DOCK8: variants seen among roughly 807,000 people sequenced by gnomAD.
DOCK8 encodes the protein dedicator of cytokinesis protein 8.
Under a neutral mutation model 245.6 loss-of-function variants are expected in DOCK8, and 141 were observed. The ratio of observed to expected loss-of-function variants is 0.57; its 90% CI spans 0.50 to 0.66. The LOEUF is 0.66. Ranked by LOEUF, DOCK8 falls within the 30% of genes least tolerant of loss-of-function variation. The pLI is 0.00. For synonymous variants in DOCK8, 1,168 were observed against 970.2 expected (o/e 1.20, Z -3.79); for missense variants, 2,965 against 2,603.4 (o/e 1.14, Z -3.02).
At chr9:298,552 C>G (rs539488599) in intron 4 of DOCK8, among the ~76,000 whole-genome samples, 2 of 151,486 alleles carry the variant, frequency 1.3e-5, no homozygotes, top group East Asian at 1.9e-4. Flanking sequence ...CATGCTTTAC[C>G]CTGTGAAGAA....
intron 39 of DOCK8, among the ~76,000 whole-genome samples, chr9:435,250 T>C (rs1244092395): frequency 6.6e-6 from 1 of 152,226 alleles, no homozygotes; most frequent in Non-Finnish European, 1.5e-5. Flanking sequence ...ATTTGCTTCT[T>C]CTAATTGCTT....
chr9:220,610 GT>G (rs1315088110), intron 1 of DOCK8: 13 of 285,506 alleles, frequency 4.6e-5, no homozygotes, highest in South Asian at 1.6e-4. Flanking sequence ...AAAGCATTTA[GT>G]TTTTTTCAGT....
chr9:446,867 TATA>T (rs1485767724), intron 44 of DOCK8, among the ~76,000 whole-genome samples: 1 of 151,596 alleles, frequency 6.6e-6, no homozygotes, highest in African/African-American at 2.4e-5. Flanking sequence ...TGTATTTAAT[TATA>T]ATATTTAATA....
intron 1 of DOCK8, among the ~76,000 whole-genome samples, chr9:221,351 C>T (rs935021180): frequency 2.0e-5 from 3 of 152,086 alleles, no homozygotes; most frequent in Non-Finnish European, 2.9e-5. Flanking sequence ...CTGGATTCAG[C>T]CAACCACAGA....
At chr9:287,304 A>C (rs1203851866) in intron 3 of DOCK8, among the ~76,000 whole-genome samples, 1 of 152,200 alleles carries the variant, frequency 6.6e-6, no homozygotes, top group Non-Finnish European at 1.5e-5. Flanking sequence ...AGTTTTTGGC[A>C]TCAAACTAAC....
At chr9:211,506 A>T (rs1271458539), upstream of DOCK8, among the ~76,000 whole-genome samples, 1 of 152,184 alleles carries the variant, frequency 6.6e-6, no homozygotes, top group Admixed American at 6.5e-5. Flanking sequence ...GGCTACAGGC[A>T]GTGAAGCCAT....
At chr9:333,335 C>T (rs1021932099) in intron 10 of DOCK8, among the ~76,000 whole-genome samples, 3 of 152,240 alleles carry the variant, frequency 2.0e-5, no homozygotes, top group South Asian at 2.1e-4. Context: ...GGCGTGGTGG[C>T]TCACACCTGT....
chr9:429,846 G>A lies in DOCK8; in HGVS notation c.4618G>A (p.Ala1540Thr), dbSNP rs1332867879. 1.2e-6 allele frequency: 2 copies of A among 1,613,976 alleles called. No individual in the cohort carries two copies. Among genetic ancestry groups the A allele is most frequent in the African/African-American group, 2.7e-5 (2 of 74,924 alleles). Residue 1540 changes from alanine to threonine, a missense_variant, in exon 36 of 48, where the codon GCC becomes ACC. By Grantham distance (58) the Ala-to-Thr change is moderately conservative. Coordinates refer to ENST00000432829, the MANE Select transcript of DOCK8 (RefSeq NM_203447.4). Reference sequence around the variant, plus strand: ...CCTCCTCATGAGGTTCAGTTTTGGAGCCACCAGTGTAAGAGTTCAAACCAG... The same window carrying A: ...CCTCCTCATGAGGTTCAGTTTTGGAACCACCAGTGTAAGAGTTCAAACCAG... ...LYLLMRFSFG[A>T]TSNFARVKMQ...
At chr9:373,763 CA>C (rs1468814132) in intron 18 of DOCK8, among the ~76,000 whole-genome samples, 1 of 152,110 alleles carries the variant, frequency 6.6e-6, no homozygotes, top group Non-Finnish European at 1.5e-5. Context: ...TCTGGTAAAC[CA>C]AAACTTCTCT....
intron 1 of DOCK8, among the ~76,000 whole-genome samples, chr9:249,135 G>A (rs2047585898): frequency 6.6e-6 from 1 of 152,146 alleles, no homozygotes; most frequent in Non-Finnish European, 1.5e-5. Context: ...ATTGCTGGGG[G>A]GTTTCCCAGG....
chr9:412,078 T>C (rs1413005930), intron 28 of DOCK8, among the ~76,000 whole-genome samples: 1 of 152,114 alleles, frequency 6.6e-6, no homozygotes, highest in Non-Finnish European at 1.5e-5. Flanking sequence ...TTAGGAGTTC[T>C]ATCTAGGGCA....
chr9:450,002 C>T, intron 45 of DOCK8, 75 bp downstream of exon 45: 3 of 1,534,776 alleles, frequency 2.0e-6, no homozygotes, highest in Admixed American at 1.7e-5. Context: ...CACCCTTCTT[C>T]CTTGGGGTTG....
At position 243,633 on chromosome 9, in the gene DOCK8, G is replaced by A. The variant is rs960523030; in HGVS notation, c.54-27994G>A. 7.9e-5 allele frequency among the ~76,000 whole-genome samples: 12 copies of A among 152,154 alleles called. 1 individual carries two copies. The South Asian group carries it at 1.2e-3, about 16-fold the overall frequency. On this transcript the variant is annotated intron_variant, in intron 1 of 47. Coordinates refer to ENST00000432829, the MANE Select transcript of DOCK8 (RefSeq NM_203447.4). Reference sequence around the variant, plus strand: ...GGGCTCCAATTTGGACCACTGCAGCGGTCCCAACTGCCAACCTATGTTTTC... The same window carrying A: ...GGGCTCCAATTTGGACCACTGCAGCAGTCCCAACTGCCAACCTATGTTTTC...
intron 39 of DOCK8, 84 bp downstream of exon 39, chr9:435,059 T>C (rs1279854380): frequency 4.6e-6 from 7 of 1,520,804 alleles, no homozygotes; most frequent in Non-Finnish European, 6.2e-6. Flanking sequence ...CATTTGGCAA[T>C]GTCTAGATAC....
intron 43 of DOCK8, 111 bp downstream of exon 43, chr9:443,627 G>A (rs2057160531): frequency 1.2e-6 from 1 of 848,572 alleles, no homozygotes; most frequent in African/African-American, 1.7e-5. Flanking sequence ...CTTAAATGCA[G>A]TCAAACCTTT....
intron 14 of DOCK8, among the ~76,000 whole-genome samples, chr9:357,330 A>G (rs910662362): frequency 5.3e-5 from 8 of 152,250 alleles, no homozygotes; most frequent in Non-Finnish European, 8.8e-5. Context: ...GCTGTATAAA[A>G]TCACCATATC....
intron 5 of DOCK8, among the ~76,000 whole-genome samples, chr9:308,280 T>C (rs141521837): frequency 1.6e-3 from 245 of 152,380 alleles, no homozygotes; most frequent in African/African-American, 5.7e-3. Context: ...TCATTACACA[T>C]TGTACACAGG....
At chr9:308,956 C>T (rs2049975510) in intron 5 of DOCK8, among the ~76,000 whole-genome samples, 1 of 152,210 alleles carries the variant, frequency 6.6e-6, no homozygotes, top group African/African-American at 2.4e-5. Context: ...CGCACCTGGC[C>T]AGGTTCTTTC....
intron 1 of DOCK8, among the ~76,000 whole-genome samples, chr9:249,173 A>G (rs1419146959): frequency 6.6e-6 from 1 of 152,232 alleles, no homozygotes; most frequent in Non-Finnish European, 1.5e-5. Context: ...ACAAATGGCA[A>G]ACTTTCAAGT....
Sources: gnomAD v4.1 joint callset for allele counts (sites outside exome capture counted in the v4.1 genomes callset) on GRCh38, gnomAD v4.1.1 for gene constraint, MANE v1.5 for transcripts, NCBI Gene and HGNC (gene_info 2026-07-23, HGNC 2026-07-21) for gene names.